CDK14: variants seen among roughly 807,000 people sequenced by gnomAD.
CDK14 encodes cyclin dependent kinase 14, also known as cyclin-dependent kinase 14.
CDK14 carries 34 observed loss-of-function variants against 60.7 expected under a neutral mutation model. The observed-to-expected ratio is 0.56, with a 90% CI of 0.43 to 0.75. The LOEUF is 0.75. CDK14 is among the 30% of genes least tolerant of loss of function. The probability of loss-of-function intolerance (pLI) is 0.00; values close to 1 mark genes in which losing one functional copy is unlikely to be tolerated. For missense variants in CDK14, 482 were observed against 564.1 expected (o/e 0.85, Z 1.47); for synonymous variants, 197 against 203.7 (o/e 0.97, Z 0.28).
intron 7 of CDK14, among the ~76,000 whole-genome samples, chr7:90,901,007 A>G (rs1394475443): frequency 1.3e-5 from 2 of 152,102 alleles, no homozygotes; most frequent in Non-Finnish European, 2.9e-5. Flanking sequence ...TGCTTCTTCC[A>G]TTACATTTTA....
intron 12 of CDK14, among the ~76,000 whole-genome samples, chr7:91,106,525 C>T (rs1799302220): frequency 6.6e-6 from 1 of 151,770 alleles, no homozygotes; most frequent in Non-Finnish European, 1.5e-5. Flanking sequence ...ATAACAGTAA[C>T]AGTAATAATA....
chr7:90,813,692 T>G (rs1035501126), intron 5 of CDK14, among the ~76,000 whole-genome samples: 1 of 151,842 alleles, frequency 6.6e-6, no homozygotes. Context: ...GAGGTTGCAG[T>G]GAGCTGAGAT....
intron 11 of CDK14, among the ~76,000 whole-genome samples, chr7:91,050,243 A>G (rs1474631623): frequency 2.0e-5 from 3 of 152,096 alleles, no homozygotes; most frequent in African/African-American, 4.8e-5. Flanking sequence ...TAGTAAGACC[A>G]CCCCAGCTAT....
chr7:91,079,361 G>GT, intron 11 of CDK14, 71 bp from the exon 12 acceptor site: 1 of 1,073,882 alleles, frequency 9.3e-7, no homozygotes, highest in South Asian at 1.4e-5. Context: ...TAAAGTTGAA[G>GT]TTTTTTCAAC....
At chr7:90,809,871 G>A (rs7385274) in intron 5 of CDK14, among the ~76,000 whole-genome samples, 138,188 of 152,210 alleles carry the variant, frequency 0.91, 62,830 homozygotes, top group East Asian at 1. Context: ...AAAATCTAGA[G>A]GAAATGGATA....
chr7:91,140,854 G>A (rs925842851), intron 14 of CDK14, among the ~76,000 whole-genome samples: 5 of 151,948 alleles, frequency 3.3e-5, no homozygotes, highest in Non-Finnish European at 5.9e-5. Flanking sequence ...AAAGACAGAC[G>A]TATTCGAGAT....
At chr7:90,815,278 C>T (rs1053336155) in intron 5 of CDK14, among the ~76,000 whole-genome samples, 9 of 152,078 alleles carry the variant, frequency 5.9e-5, no homozygotes, top group Non-Finnish European at 1.0e-4. Context: ...ATAATTTAAG[C>T]AGTAATGAAA....
At chr7:91,069,775 A>G (rs923857696) in intron 11 of CDK14, among the ~76,000 whole-genome samples, 4 of 152,196 alleles carry the variant, frequency 2.6e-5, no homozygotes, top group African/African-American at 7.2e-5. Context: ...TCAGATTTCC[A>G]ATGGAAACAT....
chr7:91,120,273 A>C (rs906710556), intron 14 of CDK14, among the ~76,000 whole-genome samples: 2 of 152,216 alleles, frequency 1.3e-5, no homozygotes, highest in African/African-American at 2.4e-5. Flanking sequence ...TGGGAAATCA[A>C]ATCAAGCTCA....
At chr7:90,752,827 A>G (rs1803901925) in intron 4 of CDK14, among the ~76,000 whole-genome samples, 1 of 152,206 alleles carries the variant, frequency 6.6e-6, no homozygotes, top group South Asian at 2.1e-4. Flanking sequence ...AGCTGATCCC[A>G]TGGAGATAGA....
intron 2 of CDK14, among the ~76,000 whole-genome samples, chr7:90,719,713 C>A (rs1802377472): frequency 6.6e-6 from 1 of 152,090 alleles, no homozygotes; most frequent in South Asian, 2.1e-4. Flanking sequence ...ATTGAATTTA[C>A]TGGAAAAAAA....
intron 11 of CDK14, among the ~76,000 whole-genome samples, chr7:91,060,817 C>CT (rs1487658145): frequency 1.3e-5 from 2 of 152,194 alleles, no homozygotes; most frequent in Non-Finnish European, 2.9e-5. Context: ...ACCTTTCTCT[C>CT]TGGCTGCCCT....
Position 90,727,218 on chromosome 7 carries a change from G to A in CDK14, c.369+406G>A, listed in dbSNP as rs1454182022. On this transcript the variant is annotated intron_variant, in intron 3 of 14. Transcript: ENST00000380050. ...TAAATATCAAAATTTGTTCACTTGC[G>A]TTAATCCAGTTTTTTTTGGGGGGGT... Among the ~76,000 whole-genome samples the A allele has an allele frequency of 5.3e-5, 8 of 152,170 alleles. No homozygotes were observed. The East Asian group carries it at 1.4e-3, about 26-fold the overall frequency.
At chr7:90,752,088 A>C (rs150007264) in intron 4 of CDK14, among the ~76,000 whole-genome samples, 1 of 152,168 alleles carries the variant, frequency 6.6e-6, no homozygotes, top group Non-Finnish European at 1.5e-5. Context: ...GGGCTTCCAC[A>C]ACGCACTGAC....
At chr7:90,786,374 A>G (rs564898268) in intron 4 of CDK14, among the ~76,000 whole-genome samples, 78 of 152,302 alleles carry the variant, frequency 5.1e-4, no homozygotes, top group African/African-American at 1.5e-3. Context: ...GGGATCTTCA[A>G]TGTTTTTCTG....
chr7:91,161,475 A>T (rs1295205176), intron 14 of CDK14, among the ~76,000 whole-genome samples: 2 of 152,252 alleles, frequency 1.3e-5, no homozygotes, highest in African/African-American at 4.8e-5. Flanking sequence ...GTTTTTCTAC[A>T]CTACCAGAGC....
At chr7:90,980,534 T>C (rs1204739950) in intron 9 of CDK14, among the ~76,000 whole-genome samples, 1 of 152,152 alleles carries the variant, frequency 6.6e-6, no homozygotes, top group African/African-American at 2.4e-5. Flanking sequence ...TTCTTCATAT[T>C]AAATTGAAGA....
chr7:90,959,022 T>C (rs1412809191), intron 9 of CDK14, among the ~76,000 whole-genome samples: 1 of 152,202 alleles, frequency 6.6e-6, no homozygotes, highest in Admixed American at 6.6e-5. Flanking sequence ...TGTGCTACTT[T>C]TTCTTGCCCG....
chr7:91,124,182 C>T (rs1298915578), intron 14 of CDK14, among the ~76,000 whole-genome samples: 2 of 152,070 alleles, frequency 1.3e-5, no homozygotes, highest in Admixed American at 1.3e-4. Context: ...GCAACTATGC[C>T]CAGCCTTCAA....
Sources: gnomAD v4.1 joint callset for allele counts (sites outside exome capture counted in the v4.1 genomes callset) on GRCh38, gnomAD v4.1.1 for gene constraint, MANE v1.5 for transcripts, NCBI Gene and HGNC (gene_info 2026-07-23, HGNC 2026-07-21) for gene names.